RBFOX3: variants seen among roughly 807,000 people sequenced by gnomAD.
The protein encoded by RBFOX3 is RNA binding fox-1 homolog 3, also known as RNA binding protein fox-1 homolog 3.
RBFOX3 carries 17 observed loss-of-function variants against 48.7 expected under a neutral mutation model. The observed-to-expected ratio is 0.35, with a 90% CI of 0.24 to 0.52. The LOEUF (loss-of-function observed/expected upper bound fraction) is 0.52, where lower values mean the gene tolerates loss of function less well. Ranked by LOEUF, RBFOX3 falls within the 20% of genes least tolerant of loss-of-function variation. RBFOX3 has a pLI of 0.94. For synonymous variants in RBFOX3, 212 were observed against 209.5 expected (o/e 1.01, Z -0.10); for missense variants, 382 against 497.5 (o/e 0.77, Z 2.21).
intron 2 of RBFOX3, among the ~76,000 whole-genome samples, chr17:79,312,405 GA>G (rs1287790200): frequency 8.5e-5 from 13 of 152,280 alleles, no homozygotes; most frequent in Non-Finnish European, 1.6e-4. Flanking sequence ...GCTGTGGTCT[GA>G]GCACTTTTGA....
intron 2 of RBFOX3, among the ~76,000 whole-genome samples, chr17:79,428,021 T>C (rs1348857899): frequency 1.3e-4 from 20 of 151,984 alleles, no homozygotes; most frequent in East Asian, 7.7e-4. Flanking sequence ...ATCCCCACAC[T>C]CCCTCCTCCT....
chr17:79,226,430 T>A (rs910844122), intron 4 of RBFOX3, among the ~76,000 whole-genome samples: 1 of 152,184 alleles, frequency 6.6e-6, no homozygotes, highest in African/African-American at 2.4e-5. Context: ...GAGGATTTTG[T>A]AATGGTTGGT....
chr17:79,284,082 G>A (rs1218457296), intron 3 of RBFOX3, among the ~76,000 whole-genome samples: 1 of 142,564 alleles, frequency 7.0e-6, no homozygotes, highest in South Asian at 2.4e-4. Context: ...CAGGACCATC[G>A]TATCATTTGC....
intron 3 of RBFOX3, among the ~76,000 whole-genome samples, chr17:79,279,081 T>C (rs2069623673): frequency 6.6e-6 from 1 of 151,890 alleles, no homozygotes; most frequent in South Asian, 2.1e-4. Flanking sequence ...GTGGCAGAGC[T>C]GGGACTAAAA....
intron 1 of RBFOX3, among the ~76,000 whole-genome samples, chr17:79,513,758 C>T (rs1160497824): frequency 3.9e-5 from 6 of 152,198 alleles, no homozygotes; most frequent in East Asian, 1.9e-4. Context: ...GCGGTACAGG[C>T]GCTGGGCACT....
At chr17:79,138,752 A>C (rs2041070112) in intron 4 of RBFOX3, among the ~76,000 whole-genome samples, 1 of 60,094 alleles carries the variant, frequency 1.7e-5, no homozygotes, top group Non-Finnish European at 3.4e-5. Flanking sequence ...ACGTGTTCAC[A>C]CCACCATCCA....
intron 2 of RBFOX3, among the ~76,000 whole-genome samples, chr17:79,453,732 G>C (rs2073977298): frequency 6.6e-6 from 1 of 152,088 alleles, no homozygotes; most frequent in African/African-American, 2.4e-5. Context: ...GACAGGACTG[G>C]GGCTGGTGAG....
chr17:79,273,947 A>C (rs980398622), intron 3 of RBFOX3, among the ~76,000 whole-genome samples: 3 of 152,132 alleles, frequency 2.0e-5, no homozygotes, highest in African/African-American at 7.2e-5. Flanking sequence ...CTGCAGGCAC[A>C]ACTCTTCCAG....
At chr17:79,175,175 A>G (rs1359957141) in intron 4 of RBFOX3, among the ~76,000 whole-genome samples, 2 of 152,322 alleles carry the variant, frequency 1.3e-5, no homozygotes, top group East Asian at 1.9e-4. Context: ...AGGTGGGAGT[A>G]CCTGGCGATG....
chr17:79,515,066 CT>C (rs2085048852), intron 1 of RBFOX3, among the ~76,000 whole-genome samples: 1 of 152,224 alleles, frequency 6.6e-6, no homozygotes, highest in Non-Finnish European at 1.5e-5. Flanking sequence ...AAGTTGGCCT[CT>C]GCCTGGGTCC....
intron 5 of RBFOX3, among the ~76,000 whole-genome samples, chr17:79,107,601 G>A (rs552421746): frequency 1.3e-5 from 2 of 152,238 alleles, no homozygotes; most frequent in African/African-American, 2.4e-5. Context: ...AGTCTGGCTT[G>A]GTCCTGGCTG....
rs987758492 is a variant in RBFOX3 at position 79,179,665 on chromosome 17, C to T, written c.-34+56101G>A. Among the ~76,000 whole-genome samples, 5 of 152,304 alleles carry T rather than the reference C, an allele frequency of 3.3e-5. No individual in the cohort carries two copies. In the East Asian group the frequency reaches 9.6e-4, roughly 29 times the overall value. On this transcript the variant is annotated intron_variant, in intron 4 of 14. Transcript: ENST00000693108. ...TGCAGTTTAATAATAAAGTAATTAC[C>T]GTGACAAAATCCCATTTTTCGAGCT... is the stretch of plus-strand genomic sequence containing the variant.
chr17:79,450,552 T>TTA (rs61060804), intron 2 of RBFOX3, among the ~76,000 whole-genome samples: 1 of 150,894 alleles, frequency 6.6e-6, no homozygotes, highest in East Asian at 1.9e-4. Context: ...TTTTTTTTTT[T>TTA]ATATTATGAT....
At chr17:79,351,761 TA>T (rs2083982698) in intron 2 of RBFOX3, among the ~76,000 whole-genome samples, 1 of 152,232 alleles carries the variant, frequency 6.6e-6, no homozygotes, top group Admixed American at 6.5e-5. Flanking sequence ...GATGTGCAAA[TA>T]TCTTCTCCCA....
At chr17:79,483,446 CCCTCCCTCCCTCCCTG>C (rs2079055672) in intron 1 of RBFOX3, among the ~76,000 whole-genome samples, 1 of 109,026 alleles carries the variant, frequency 9.2e-6, no homozygotes, top group Non-Finnish European at 1.9e-5. Context: ...AGGCCTCCCT[CCCTCCCTCCCTCCCTG>C]CCTGCCTGCC....
At chr17:79,631,038 C>T in the RBFOX3 span, among the ~76,000 whole-genome samples, 3 of 152,278 alleles carry the variant, frequency 2.0e-5, no homozygotes, top group Admixed American at 1.3e-4. Flanking sequence ...CAAAGCAAGT[C>T]GTCTCTCCAC....
intron 2 of RBFOX3, among the ~76,000 whole-genome samples, chr17:79,372,010 C>T (rs1217619185): frequency 6.6e-6 from 1 of 152,170 alleles, no homozygotes; most frequent in Non-Finnish European, 1.5e-5. Context: ...CCCGCAGACG[C>T]TTCAGTTACA....
intron 1 of RBFOX3, among the ~76,000 whole-genome samples, chr17:79,508,243 C>T (rs896231937): frequency 4.1e-4 from 62 of 152,326 alleles, no homozygotes; most frequent in African/African-American, 1.2e-3. Flanking sequence ...TGGAGGCCAG[C>T]GTCAGCTCCC....
the RBFOX3 span, among the ~76,000 whole-genome samples, chr17:79,629,762 A>G: frequency 7.3e-3 from 1,104 of 152,272 alleles, 5 homozygotes; most frequent in Non-Finnish European, 0.012. Flanking sequence ...TAAATGTCCA[A>G]CTCCAGGGTG....
Sources: allele counts gnomAD v4.1 joint callset (sites outside exome capture counted in the v4.1 genomes callset), GRCh38; gene constraint gnomAD v4.1.1; transcripts MANE v1.5; gene names NCBI Gene and HGNC (gene_info 2026-07-23, HGNC 2026-07-21).